The following CD48 variants were observed in gnomAD, a reference collection of about 807,000 sequenced individuals.
The protein encoded by CD48 is CD48 antigen.
Under a neutral mutation model 22.0 loss-of-function variants are expected in CD48, and 20 were observed. That is an observed-to-expected ratio of 0.91 (90% confidence interval 0.64 to 1.32). The LOEUF (loss-of-function observed/expected upper bound fraction) is 1.32. Among genes scored for constraint, CD48 ranks in the 40% most tolerant of loss-of-function variants. The pLI, the probability that CD48 is intolerant of heterozygous loss-of-function variation, is 0.00. For missense variants in CD48, 307 were observed against 286.5 expected (o/e 1.07, Z -0.52); for synonymous variants, 110 against 110.1 (o/e 1.00, Z 0.01).
intron 1 of CD48, among the ~76,000 whole-genome samples, chr1:160,709,072 A>G (rs1261976428): frequency 6.6e-6 from 1 of 152,192 alleles, no homozygotes; most frequent in Non-Finnish European, 1.5e-5. Flanking sequence ...GTGAGACAGG[A>G]TGAACAGTCT....
intron 1 of CD48, among the ~76,000 whole-genome samples, chr1:160,711,406 T>TG (rs1571078508): frequency 6.6e-6 from 1 of 152,182 alleles, no homozygotes; most frequent in Non-Finnish European, 1.5e-5. Flanking sequence ...CACAACTTCA[T>TG]GGACCACCAA....
At position 160,678,868 on chromosome 1, in the gene CD48, A is replaced by C; in HGVS notation, c.*184T>G. The C allele has an allele frequency of 5.3e-6, 3 of 561,274 alleles. No homozygotes were observed. The highest frequency in any genetic ancestry group is 9.6e-6 in the Non-Finnish European group (3 of 313,606). The allele number at this position is 561,274 out of a possible 1,614,324, so 34.8% of individuals were successfully genotyped here. ...ATCTCTATATCTCTGTGTACTAGAA[A>C]ACAACAAAGGGATATAAAATTAAAT... is the stretch of plus-strand genomic sequence containing the variant. On this transcript the variant is annotated 3_prime_UTR_variant, in exon 4 of 4. Transcript: ENST00000368046.
intron 1 of CD48, among the ~76,000 whole-genome samples, chr1:160,708,588 T>C (rs1345322752): frequency 1.3e-5 from 2 of 152,220 alleles, no homozygotes; most frequent in South Asian, 2.1e-4. Context: ...GACTTACTCA[T>C]TGGGCATGAG....
At chr1:160,685,926 G>T (rs189054072) in intron 1 of CD48, among the ~76,000 whole-genome samples, 3 of 152,150 alleles carry the variant, frequency 2.0e-5, no homozygotes, top group Non-Finnish European at 4.4e-5. Context: ...GGACAAAAAG[G>T]GTATGATTGA....
At chr1:160,707,410 G>A (rs1268043082) in intron 1 of CD48, among the ~76,000 whole-genome samples, 2 of 152,126 alleles carry the variant, frequency 1.3e-5, no homozygotes, top group African/African-American at 2.4e-5. Context: ...GACATGAAGA[G>A]AAGGGAGGTG....
At chr1:160,706,533 T>TA (rs1344598757) in intron 1 of CD48, among the ~76,000 whole-genome samples, 2 of 152,208 alleles carry the variant, frequency 1.3e-5, no homozygotes, top group Non-Finnish European at 2.9e-5. Context: ...TAACTGCTGA[T>TA]AAAATCTTGA....
intron 1 of CD48, among the ~76,000 whole-genome samples, chr1:160,701,600 C>T (rs1202091762): frequency 6.6e-6 from 1 of 152,060 alleles, no homozygotes; most frequent in East Asian, 1.9e-4. Context: ...CCATCATATG[C>T]TGACTGGGAG....
chr1:160,701,322 G>A (rs1662623167), intron 1 of CD48, among the ~76,000 whole-genome samples: 1 of 151,048 alleles, frequency 6.6e-6, no homozygotes, highest in Non-Finnish European at 1.5e-5. Context: ...TTTTTTACTA[G>A]GAACACAGGA....
rs757930088 is a variant in CD48, at chr1:160,681,272, A to G, written c.582T>C (p.Tyr194=). The G allele has an allele frequency of 2.5e-6, 4 of 1,614,260 alleles. No individual in the cohort carries two copies. Among genetic ancestry groups the G allele is most frequent in the East Asian group, 2.2e-5 (1 of 44,894 alleles). The change falls in exon 3 of 4, where the codon TAT becomes TAC. Residue 194 remains tyrosine, a synonymous_variant. Transcript: ENST00000368046. The part of the protein sequence containing the change: ...TLMPHNYSRC[Y]TCQVSNSVSS... Reference sequence around the variant, plus strand: ...TCACAGAATTGCTGACTTGGCAAGTATAACACCTGGAGTAATTATGTGGCA... The same window carrying G: ...TCACAGAATTGCTGACTTGGCAAGTGTAACACCTGGAGTAATTATGTGGCA...
At chr1:160,700,501 T>C (rs141557516) in intron 1 of CD48, among the ~76,000 whole-genome samples, 169 of 152,306 alleles carry the variant, frequency 1.1e-3, no homozygotes, top group African/African-American at 3.9e-3. Flanking sequence ...TAAATCATTA[T>C]GTTGAACTAT....
At chr1:160,679,166 T>G in intron 3 of CD48, 35 bp from the exon 4 acceptor site, 2 of 1,556,384 alleles carry the variant, frequency 1.3e-6, no homozygotes, top group Non-Finnish European at 1.8e-6. Flanking sequence ...TGCTTAGGTA[T>G]CTTTATCTTG....
chr1:160,692,255 C>G (rs1662248475), intron 1 of CD48: 1 of 152,092 alleles, frequency 6.6e-6, no homozygotes, highest in Admixed American at 6.6e-5. Context: ...AGGAAAAAAT[C>G]CCAGAAGGAA....
At chr1:160,702,700 G>T (rs1046282978) in intron 1 of CD48, among the ~76,000 whole-genome samples, 4 of 152,062 alleles carry the variant, frequency 2.6e-5, no homozygotes, top group African/African-American at 9.7e-5. Context: ...AGAATTAATG[G>T]GACCAGTTTG....
intron 1 of CD48, among the ~76,000 whole-genome samples, chr1:160,694,623 G>A (rs945214856): frequency 2.6e-5 from 4 of 152,028 alleles, no homozygotes; most frequent in African/African-American, 9.7e-5. Flanking sequence ...ACATTATATA[G>A]CCCCATGAGT....
At chr1:160,687,308 C>A (rs1662038749) in intron 1 of CD48, among the ~76,000 whole-genome samples, 1 of 152,092 alleles carries the variant, frequency 6.6e-6, no homozygotes, top group Non-Finnish European at 1.5e-5. Context: ...TGTTTAAACA[C>A]ACGTGTTCTA....
Position 160,685,009 on chromosome 1 carries a change from T to G in CD48, c.263A>C (p.Asp88Ala). The G allele has an allele frequency of 6.2e-7, 1 of 1,614,216 alleles. No homozygotes were observed. Among genetic ancestry groups the G allele is most frequent in the South Asian group, 1.1e-5 (1 of 91,092 alleles). Residue 88 changes from aspartate (D) to alanine (A), a missense_variant, in exon 2 of 4, where the codon GAT becomes GCT. Asp to Ala is a moderately radical substitution (Grantham distance 126). Coordinates refer to ENST00000368046, the MANE Select transcript of CD48 (RefSeq NM_001778.4). ...GATGTACAGTGCGCCACTCTGAGGA[T>G]CAAGTCTGACCCTGCCTTTAAATTT... ...ESKFKGRVRL[D>A]PQSGALYISK... is the part of the protein sequence containing the mutation.
At chr1:160,697,271 C>T (rs1207934544) in intron 1 of CD48, among the ~76,000 whole-genome samples, 1 of 152,300 alleles carries the variant, frequency 6.6e-6, no homozygotes, top group Non-Finnish European at 1.5e-5. Flanking sequence ...ACCCACTAGA[C>T]ATTTGAAGTT....
At chr1:160,698,134 A>G (rs1662497892) in intron 1 of CD48, among the ~76,000 whole-genome samples, 1 of 152,134 alleles carries the variant, frequency 6.6e-6, no homozygotes, top group Non-Finnish European at 1.5e-5. Flanking sequence ...TTCCTTTACA[A>G]AGTTGCATAA....
intron 1 of CD48, among the ~76,000 whole-genome samples, chr1:160,687,947 G>A (rs1228925363): frequency 3.3e-5 from 5 of 152,210 alleles, no homozygotes; most frequent in African/African-American, 9.7e-5. Context: ...CCTAGAAGGT[G>A]TCCTTTGACC....
Sources: allele counts gnomAD v4.1 joint callset (sites outside exome capture counted in the v4.1 genomes callset), GRCh38; gene constraint gnomAD v4.1.1; transcripts MANE v1.5; gene names NCBI Gene and HGNC (gene_info 2026-07-23, HGNC 2026-07-21).